Variants in RPS6KA3 observed in about 807,000 individuals in gnomAD.
RPS6KA3 encodes ribosomal protein S6 kinase A3, also known as ribosomal protein S6 kinase alpha-3.
A neutral mutation model predicts 67.2 loss-of-function variants in RPS6KA3; 4 were observed. That is an observed-to-expected ratio of 0.06 (90% CI 0.03 to 0.14). The LOEUF is 0.14. Ranked by LOEUF, RPS6KA3 falls within the 10% of genes least tolerant of loss-of-function variation. The probability of loss-of-function intolerance (pLI) is 1.00; values close to 1 mark genes in which losing one functional copy is unlikely to be tolerated. For synonymous variants in RPS6KA3, 182 were observed against 183.7 expected (o/e 0.99, Z 0.07); for missense variants, 204 against 559.0 (o/e 0.36, Z 6.40).
intron 10 of RPS6KA3, among the ~76,000 whole-genome samples, chrX:20,182,881 T>C (rs1342139951): frequency 8.9e-6 from 1 of 112,073 alleles, no homozygotes; most frequent in Admixed American, 9.5e-5. Flanking sequence ...TCTTTTTATT[T>C]TTATTTATTA....
chrX:20,218,722 G>A (rs1448510040), intron 2 of RPS6KA3: 2 of 695,676 alleles, frequency 2.9e-6, no homozygotes, highest in East Asian at 3.3e-5. Flanking sequence ...CATATAAAAC[G>A]AAATAACTAA....
intron 1 of RPS6KA3, among the ~76,000 whole-genome samples, chrX:20,248,644 A>C (rs941838544): frequency 1.8e-5 from 2 of 111,300 alleles, no homozygotes; most frequent in Non-Finnish European, 3.8e-5. Flanking sequence ...CACCATGCCC[A>C]GCTAATTTTT....
chrX:20,193,633 T>C (rs1235504974), intron 6 of RPS6KA3, 40 bp from the exon 7 acceptor site: 2 of 893,907 alleles, frequency 2.2e-6, no homozygotes, highest in Non-Finnish European at 3.2e-6. Flanking sequence ...TATTTTCTTT[T>C]TGTGTCTGTA....
intron 10 of RPS6KA3, among the ~76,000 whole-genome samples, chrX:20,185,070 C>T (rs2067945545): frequency 9.0e-6 from 1 of 110,885 alleles, no homozygotes. Flanking sequence ...CTCAGCCTAC[C>T]GAGTAGTTGG....
chrX:20,185,480 C>T (rs1200824854), intron 10 of RPS6KA3, among the ~76,000 whole-genome samples: 2 of 110,951 alleles, frequency 1.8e-5, no homozygotes, highest in Non-Finnish European at 3.8e-5. Flanking sequence ...TCAAATGATT[C>T]TCCTGTCTTA....
At chrX:20,199,220 T>C (rs1347674270) in intron 4 of RPS6KA3, among the ~76,000 whole-genome samples, 1 of 112,085 alleles carries the variant, frequency 8.9e-6, no homozygotes, top group Non-Finnish European at 1.9e-5. Context: ...AAAGAAATTC[T>C]ATAGTGTCTG....
intron 4 of RPS6KA3, among the ~76,000 whole-genome samples, chrX:20,199,393 T>C (rs1464585037): frequency 1.8e-5 from 2 of 111,776 alleles, no homozygotes; most frequent in Non-Finnish European, 3.8e-5. Flanking sequence ...TGAAAAATGT[T>C]TTAATGAAAT....
chrX:20,150,976 T>A lies in RPS6KA3; in HGVS notation c.*4422A>T, dbSNP rs2067095385. The stretch of plus-strand genomic sequence containing the variant: ...GTGCCTTAAGAGGTAGGAAGTAGGC[T>A]CTCATCCCAACCCTCGGTATGCCCT... On this transcript the variant is annotated 3_prime_UTR_variant, in exon 22 of 22. Coordinates refer to ENST00000379565, the MANE Select transcript of RPS6KA3 (RefSeq NM_004586.3). The A allele has an allele frequency of 8.9e-6, 1 of 112,448 alleles. No homozygotes were observed. Among genetic ancestry groups the A allele is most frequent in the African/African-American group, 3.2e-5 (1 of 30,868 alleles). The allele number at this position is 112,448 out of a possible 1,213,427, so 9.3% of individuals were successfully genotyped here. A position where few individuals can be genotyped will look rare whatever the true frequency, so the allele number is the denominator to read the frequency against.
chrX:20,205,111 G>A (rs1219145745), intron 3 of RPS6KA3, among the ~76,000 whole-genome samples: 4 of 111,984 alleles, frequency 3.6e-5, no homozygotes, highest in Admixed American at 1.9e-4. Flanking sequence ...AAATATTTGC[G>A]CAAAATGAAT....
intron 4 of RPS6KA3, among the ~76,000 whole-genome samples, chrX:20,200,322 T>C (rs755326745): frequency 5.4e-5 from 6 of 111,857 alleles, no homozygotes; most frequent in African/African-American, 1.9e-4. Flanking sequence ...TGAATATAAA[T>C]GTAAATGGCA....
chrX:20,249,127 T>A (rs1475814844), intron 1 of RPS6KA3, among the ~76,000 whole-genome samples: 3 of 112,156 alleles, frequency 2.7e-5, no homozygotes, highest in Non-Finnish European at 5.6e-5. Flanking sequence ...TCATCCAAGC[T>A]GTTGTGTGTA....
intron 2 of RPS6KA3, among the ~76,000 whole-genome samples, chrX:20,212,730 C>A (rs2068747850): frequency 9.1e-6 from 1 of 110,250 alleles, no homozygotes; most frequent in African/African-American, 3.3e-5. Context: ...CAGAGCAAGA[C>A]CCTGTCTCAA....
At chrX:20,192,774 G>A (rs576139550) in intron 7 of RPS6KA3, among the ~76,000 whole-genome samples, 1 of 107,973 alleles carries the variant, frequency 9.3e-6, no homozygotes, top group South Asian at 4.1e-4. Flanking sequence ...CTAATTTTTT[G>A]TAGAGATGGG....
chrX:20,210,859 C>A (rs190045407), intron 2 of RPS6KA3, among the ~76,000 whole-genome samples: 1,408 of 111,101 alleles, frequency 0.013, 25 homozygotes, highest in African/African-American at 0.043. Context: ...ACTCTTAAAA[C>A]GCTACCTCTT....
In RPS6KA3 at chrX:20,187,818, C is replaced by T. The variant is rs774248513; in HGVS notation, c.774+10G>A. On this transcript the variant is annotated intron_variant, in intron 9 of 21. Coordinates refer to ENST00000379565, the MANE Select transcript of RPS6KA3 (RefSeq NM_004586.3). ...CTTCCCCTCTAAAAAATCCCAAATTCAAACCTTACCATTAACACACCAAAA... is the reference window on the plus strand; with the variant it reads ...CTTCCCCTCTAAAAAATCCCAAATTTAAACCTTACCATTAACACACCAAAA... The T allele has an allele frequency of 1.7e-6, 2 of 1,203,970 alleles. No homozygotes were observed. The highest frequency in any genetic ancestry group is 1.8e-5 in the South Asian group (1 of 56,784).
intron 1 of RPS6KA3, 23 bp from the exon 2 acceptor site, chrX:20,234,837 G>A (rs2069366337): frequency 8.7e-7 from 1 of 1,149,547 alleles, no homozygotes; most frequent in Non-Finnish European, 1.2e-6. Flanking sequence ...CAGCAAGCAG[G>A]AAGTTACCAA....
At chrX:20,214,093 T>C (rs1249711357) in intron 2 of RPS6KA3, among the ~76,000 whole-genome samples, 1 of 111,878 alleles carries the variant, frequency 8.9e-6, no homozygotes, top group African/African-American at 3.3e-5. Flanking sequence ...AAAAGTAATT[T>C]GACCACTATT....
intron 10 of RPS6KA3, among the ~76,000 whole-genome samples, chrX:20,181,421 C>T (rs1464500802): frequency 9.0e-6 from 1 of 110,627 alleles, no homozygotes; most frequent in East Asian, 2.8e-4. Context: ...CTCAGAGATG[C>T]CTTTCTTGAG....
rs781256460 is a variant in RPS6KA3 at position 20,161,842 on chromosome X, A to T, written c.1842-81T>A. ...ATCTCAAAAGTACTCTAATTCAGTT[A>T]ATGTAATATTTTATTAAAATCTACC... On this transcript the variant is annotated intron_variant, in intron 19 of 21. Coordinates refer to ENST00000379565, the MANE Select transcript of RPS6KA3 (RefSeq NM_004586.3). 213 of 263,294 alleles carry T rather than the reference A, an allele frequency of 8.1e-4. 1 individual carries two copies. Among genetic ancestry groups the T allele is most frequent in the African/African-American group, 5.6e-3 (187 of 33,675 alleles). 21.7% of individuals were successfully genotyped at this position (263,294 alleles called of 1,213,427 possible). A position where few individuals can be genotyped will look rare whatever the true frequency, so the allele number is the denominator to read the frequency against.
Sources: allele counts gnomAD v4.1 joint callset (sites outside exome capture counted in the v4.1 genomes callset), GRCh38; gene constraint gnomAD v4.1.1; transcripts MANE v1.5; gene names NCBI Gene and HGNC (gene_info 2026-07-23, HGNC 2026-07-21).